The following SHE variants were observed in gnomAD, a reference collection of about 807,000 sequenced individuals.
SHE encodes the protein SH2 domain-containing adapter protein E.
In SHE, 11 loss-of-function variants were observed where a neutral mutation model predicts 49.8. The ratio of observed to expected loss-of-function variants is 0.22; its 90% CI spans 0.14 to 0.37. The LOEUF is 0.37. SHE is among the 10% of genes least tolerant of loss of function. The pLI, the probability that SHE is intolerant of heterozygous loss-of-function variation, is 1.00. For missense variants in SHE, 624 were observed against 655.5 expected (o/e 0.95, Z 0.52); for synonymous variants, 310 against 278.1 (o/e 1.11, Z -1.14).
At position 154,496,560 on chromosome 1, in the gene SHE, C is replaced by T. The variant is rs937114559; in HGVS notation, c.718+2552G>A. Among the ~76,000 whole-genome samples the T allele has an allele frequency of 5.3e-5, 8 of 152,256 alleles. No individual in the cohort carries two copies. In the South Asian group the frequency reaches 6.2e-4, roughly 12 times the overall value. ...AACGGCATTTCAAGTGTGTCCTGAA[C>T]GCCATGTGGTGTCAGGGGCAGACCA... On this transcript the variant is annotated intron_variant, in intron 2 of 5. Coordinates refer to ENST00000304760, the MANE Select transcript of SHE (RefSeq NM_001010846.3).
At position 154,482,907 on chromosome 1, in the gene SHE, T is replaced by A. The variant is rs1338944609; in HGVS notation, c.*1242A>T. 5 of 985,050 alleles carry A rather than the reference T, an allele frequency of 5.1e-6. No individual in the cohort carries two copies. The highest frequency in any genetic ancestry group is 3.5e-5 in the African/African-American group (2 of 57,234). 61.0% of individuals were successfully genotyped at this position (985,050 alleles called of 1,614,324 possible). A position where few individuals can be genotyped will look rare whatever the true frequency, so the allele number is the denominator to read the frequency against. ...TAATCAGATCTTAGGGTTGCATTTT[T>A]AAAAAATTTACTACAAAGCAAATCT... is the stretch of plus-strand genomic sequence containing the variant. On this transcript the variant is annotated 3_prime_UTR_variant, in exon 6 of 6. Coordinates refer to ENST00000304760, the MANE Select transcript of SHE (RefSeq NM_001010846.3).
intron 3 of SHE, among the ~76,000 whole-genome samples, chr1:154,487,882 C>T (rs542037372): frequency 6.7e-6 from 1 of 149,752 alleles, no homozygotes; most frequent in East Asian, 2.0e-4. Flanking sequence ...AAAAAACTGA[C>T]TCAAATGCTT....
chr1:154,474,824 T>C (rs1691838402), downstream of SHE, among the ~76,000 whole-genome samples: 1 of 152,068 alleles, frequency 6.6e-6, no homozygotes, highest in East Asian at 1.9e-4. Flanking sequence ...ACTGATGGTA[T>C]GGAAGCCTTA....
At chr1:154,493,847 GGT>G (rs1420668585) in intron 2 of SHE, among the ~76,000 whole-genome samples, 2 of 151,940 alleles carry the variant, frequency 1.3e-5, no homozygotes, top group African/African-American at 4.9e-5. Context: ...ACACCTGCTA[GGT>G]GTATTATGCC....
At position 154,501,731 on chromosome 1, in the gene SHE, T is replaced by G. The variant is rs1400360042; in HGVS notation, c.296A>C (p.Lys99Thr). Residue 99 changes from lysine (K) to threonine (T), a missense_variant, in exon 1 of 6, where the codon AAG becomes ACG. Around this residue, in one of 4 missense-constraint regions of SHE, gnomAD observed 337 missense variants for 306.0 expected, o/e 1.10. Transcript: ENST00000304760. ...GCTGTCGCGGGACAGCCGGCTGTCC[T>G]TGGGGCCGACGCCGGCCCTGCCGCT... ...LGSGRAGVGP[K>T]DSRLSRDSLQ... The G allele has an allele frequency of 6.3e-6, 10 of 1,589,882 alleles. No homozygotes were observed. The highest frequency in any genetic ancestry group is 8.5e-6 in the Non-Finnish European group (10 of 1,171,518).
intron 1 of SHE, chr1:154,470,489 G>C: frequency 1.1e-6 from 1 of 932,170 alleles, no homozygotes; most frequent in South Asian, 1.4e-5. Flanking sequence ...GGCAGGGGCA[G>C]GAAACAGTGT....
chr1:154,481,529 A>G lies in SHE; in HGVS notation c.*2620T>C. ...TGTTTTCAAGATGTTATTTCATTAT[A>G]CATTCATCACAGTTGCTGGGTATGG... On this transcript the variant is annotated 3_prime_UTR_variant, in exon 6 of 6. Coordinates refer to ENST00000304760, the MANE Select transcript of SHE (RefSeq NM_001010846.3). 1.0e-6 allele frequency: 1 copy of G among 985,438 alleles called. No homozygotes were observed. The highest frequency in any genetic ancestry group is 1.2e-6 in the Non-Finnish European group (1 of 829,932). The allele number at this position is 985,438 out of a possible 1,614,324, so 61.0% of individuals were successfully genotyped here. A position where few individuals can be genotyped will look rare whatever the true frequency, so the allele number is the denominator to read the frequency against.
At position 154,483,992 on chromosome 1, in the gene SHE, C is replaced by G; in HGVS notation, c.*157G>C. 3 of 1,421,506 alleles carry G rather than the reference C, an allele frequency of 2.1e-6. No homozygotes were observed. The highest frequency in any genetic ancestry group is 2.8e-6 in the Non-Finnish European group (3 of 1,088,140). The allele number at this position is 1,421,506 out of a possible 1,614,324, so 88.1% of individuals were successfully genotyped here. On this transcript the variant is annotated 3_prime_UTR_variant, in exon 6 of 6. Transcript: ENST00000304760. ...CAGCCTGGGCAACACAGCGAGACTTCGTCTCAAACAAAACAAAACAAATCA... is the reference window on the plus strand; with the variant it reads ...CAGCCTGGGCAACACAGCGAGACTTGGTCTCAAACAAAACAAAACAAATCA...
intron 2 of SHE, among the ~76,000 whole-genome samples, chr1:154,495,051 CAAAA>C (rs1570854742): frequency 6.6e-6 from 1 of 152,120 alleles, no homozygotes; most frequent in Non-Finnish European, 1.5e-5. Context: ...GACTCCGTCT[CAAAA>C]AAACAAACAA....
In SHE at chr1:154,501,837, TGCCGCC is replaced by T; in HGVS notation, c.184_189del (p.Gly62_Gly63del). On this transcript the variant is annotated inframe_deletion, in exon 1 of 6. Coordinates refer to ENST00000304760, the MANE Select transcript of SHE (RefSeq NM_001010846.3). Reference sequence around the variant, plus strand: ...CCCGCCTCCGAGTTCTTGCGCAATTTGCCGCCGCCGCCCCCGGGCTTGGCCCGCTCC... The same window carrying T: ...CCCGCCTCCGAGTTCTTGCGCAATTTGCCGCCCCCGGGCTTGGCCCGCTCC... The T allele has an allele frequency of 6.5e-7, 1 of 1,544,268 alleles. No individual in the cohort carries two copies. The highest frequency in any genetic ancestry group is 8.7e-7 in the Non-Finnish European group (1 of 1,152,250).
At chr1:154,479,472 C>T, downstream of SHE, 1 of 983,592 alleles carries the variant, frequency 1.0e-6, no homozygotes, top group Non-Finnish European at 1.2e-6. Flanking sequence ...TTAAGCAAAA[C>T]CACTGTAGTT....
intron 1 of SHE, among the ~76,000 whole-genome samples, chr1:154,470,819 A>G (rs961770977): frequency 2.0e-5 from 3 of 151,604 alleles, no homozygotes; most frequent in Admixed American, 6.6e-5. Flanking sequence ...CAGCCTGGGC[A>G]ACAGAGCCAG....
chr1:154,470,150 C>T lies in SHE; in HGVS notation c.*191G>A, dbSNP rs561109530. 1.0e-3 allele frequency: 409 copies of T among 403,758 alleles called. 1 individual carries two copies. The highest frequency in any genetic ancestry group is 2.0e-3 in the Admixed American group (60 of 29,870). 25.0% of individuals were successfully genotyped at this position (403,758 alleles called of 1,614,324 possible). On this transcript the variant is annotated 3_prime_UTR_variant, in exon 2 of 2. Coordinates refer to the SHE transcript ENST00000486773. Reference sequence around the variant, plus strand: ...ATCTCCTTCAGGACACCATGCTCTCCTCTTTGAGGCTGGTCCTTGTCTTGC... The same window carrying T: ...ATCTCCTTCAGGACACCATGCTCTCTTCTTTGAGGCTGGTCCTTGTCTTGC...
At chr1:154,471,680 A>ACT (rs139560920) in intron 1 of SHE, among the ~76,000 whole-genome samples, 23,218 of 148,988 alleles carry the variant, frequency 0.16, 2,058 homozygotes, top group South Asian at 0.21. Context: ...GTTTTTCAGT[A>ACT]CTCTCTCTCT....
intron 2 of SHE, among the ~76,000 whole-genome samples, chr1:154,495,696 C>T (rs1168237644): frequency 6.6e-6 from 1 of 151,780 alleles, no homozygotes; most frequent in Non-Finnish European, 1.5e-5. Context: ...GTCTTGTTTC[C>T]TGTATGCCCA....
chr1:154,470,237 G>A, exon 2 of SHE: 1 of 1,152,810 alleles, frequency 8.7e-7, no homozygotes, highest in Non-Finnish European at 1.2e-6. Flanking sequence ...CATGGAGGGG[G>A]CACGGGAGTG....
In SHE at chr1:154,502,107, G is replaced by A; in HGVS notation, c.-81C>T. The A allele has an allele frequency of 9.0e-7, 1 of 1,116,890 alleles. No homozygotes were observed. The highest frequency in any genetic ancestry group is 1.1e-6 in the Non-Finnish European group (1 of 889,540). 69.2% of individuals were successfully genotyped at this position (1,116,890 alleles called of 1,614,324 possible). ...GCGCCCCCGGCCGGCCGTCGCCCAC[G>A]CCCGGCAGGGTGGGGTTCTCACGGC... is the stretch of plus-strand genomic sequence containing the variant. On this transcript the variant is annotated 5_prime_UTR_variant, in exon 1 of 6. Coordinates refer to ENST00000304760, the MANE Select transcript of SHE (RefSeq NM_001010846.3).
Position 154,501,926 on chromosome 1 carries a change from C to G in SHE, c.101G>C (p.Gly34Ala). ...APTLLGRAGR[G>A]PLMAAKWFKE... ...GAACCACTTGGCCGCCATGAGGGGG[C>G]CCCGGCCGGCTCGGCCCAGGAGCGT... The change falls in exon 1 of 6, where the codon GGC becomes GCC. Residue 34 changes from glycine (G) to alanine (A), a missense_variant. Gly to Ala is a moderately conservative substitution (Grantham distance 60). Around this residue, in one of 4 missense-constraint regions of SHE, gnomAD observed 337 missense variants for 306.0 expected, o/e 1.10. Transcript: ENST00000304760. 1.3e-6 allele frequency: 2 copies of G among 1,490,960 alleles called. No individual in the cohort carries two copies. Among genetic ancestry groups the G allele is most frequent in the Non-Finnish European group, 1.8e-6 (2 of 1,129,562 alleles). 92.4% of individuals were successfully genotyped at this position (1,490,960 alleles called of 1,614,324 possible).
At chr1:154,495,043 C>T (rs533842324) in intron 2 of SHE, among the ~76,000 whole-genome samples, 4 of 152,366 alleles carry the variant, frequency 2.6e-5, no homozygotes, top group African/African-American at 9.6e-5. Flanking sequence ...CACAGCGAGA[C>T]TCCGTCTCAA....
Sources: gnomAD v4.1 joint callset for allele counts (sites outside exome capture counted in the v4.1 genomes callset) on GRCh38, gnomAD v4.1.1 for gene constraint, gnomAD v4.1.1 regional missense constraint, MANE v1.5 for transcripts, NCBI Gene and HGNC (gene_info 2026-07-23, HGNC 2026-07-21) for gene names.